PTPRB: variants seen among roughly 807,000 people sequenced by gnomAD.
The protein encoded by PTPRB is protein tyrosine phosphatase receptor type B.
In PTPRB, 97 loss-of-function variants were observed where a neutral mutation model predicts 238.1. The ratio of observed to expected loss-of-function variants is 0.41; its 90% CI spans 0.35 to 0.48. The LOEUF (loss-of-function observed/expected upper bound fraction) is 0.48, where lower values mean the gene tolerates loss of function less well. Ranked by LOEUF, PTPRB falls within the 20% of genes least tolerant of loss-of-function variation. The probability of loss-of-function intolerance (pLI) is 0.30; values close to 1 mark genes in which losing one functional copy is unlikely to be tolerated. For missense variants in PTPRB, 2,292 were observed against 2,681.9 expected (o/e 0.85, Z 3.21); for synonymous variants, 970 against 995.4 (o/e 0.97, Z 0.48).
rs1385878689 is a variant in PTPRB, at chr12:70,535,986, G to A, written c.6081+39C>T. 7 of 1,607,022 alleles carry A rather than the reference G, an allele frequency of 4.4e-6. No individual in the cohort carries two copies. In the Admixed American group the frequency reaches 5.0e-5, roughly 12 times the overall value. ...GGGGCAGAATTCTATCCAGGTGGCA[G>A]AAAGCAAAGCTTTGATGCCAGGAAG... On this transcript the variant is annotated intron_variant, in intron 29 of 33. Transcript: ENST00000334414.
At chr12:70,557,239 A>C (rs1877825606) in intron 18 of PTPRB, among the ~76,000 whole-genome samples, 1 of 152,222 alleles carries the variant, frequency 6.6e-6, no homozygotes, top group African/African-American at 2.4e-5. Flanking sequence ...CAAATCATTC[A>C]TTATGGTTGA....
intron 22 of PTPRB, among the ~76,000 whole-genome samples, chr12:70,543,931 C>T (rs1875560389): frequency 6.6e-6 from 1 of 152,160 alleles, no homozygotes; most frequent in African/African-American, 2.4e-5. Flanking sequence ...CAAGTTATCC[C>T]ATGTAAAATG....
At position 70,552,768 on chromosome 12, in the gene PTPRB, A is replaced by G. The variant is rs756622486; in HGVS notation, c.5387+9T>C. The G allele has an allele frequency of 1.2e-6, 2 of 1,613,708 alleles. No homozygotes were observed. The highest frequency in any genetic ancestry group is 3.3e-5 in the Admixed American group (2 of 59,998). On this transcript the variant is annotated intron_variant, in intron 21 of 33. Transcript: ENST00000334414. ...TCCCTTCTAGCAAAACAGTGGTAATATATCTAACCTGTAGGCAGTGTGTGG... is the reference window on the plus strand; with the variant it reads ...TCCCTTCTAGCAAAACAGTGGTAATGTATCTAACCTGTAGGCAGTGTGTGG...
intron 2 of PTPRB, among the ~76,000 whole-genome samples, chr12:70,634,443 A>AT (rs553690655): frequency 6.6e-6 from 1 of 151,624 alleles, no homozygotes; most frequent in African/African-American, 2.4e-5. Flanking sequence ...GGGAATGTGT[A>AT]TTTTTTTTTA....
At position 70,572,051 on chromosome 12, in the gene PTPRB, G is replaced by A; in HGVS notation, c.2879C>T (p.Ser960Leu). 6.2e-7 allele frequency: 1 copy of A among 1,613,594 alleles called. No homozygotes were observed. The highest frequency in any genetic ancestry group is 8.5e-7 in the Non-Finnish European group (1 of 1,179,584). ...DKVQGVSVSN[S>L]ARSDYLRVSW... The stretch of plus-strand genomic sequence containing the variant: ...TACCCTTAAATAGTCACTCCTGGCT[G>A]AGTTGCTAACACTGACTCCCTGGAC... Residue 960 changes from serine (S) to leucine (L), a missense_variant, in exon 12 of 34, where the codon TCA becomes TTA. Around this residue, in one of 4 missense-constraint regions of PTPRB, gnomAD observed 1,205 missense variants for 1,287.8 expected, o/e 0.94. Coordinates refer to ENST00000334414, the MANE Select transcript of PTPRB (RefSeq NM_001109754.4).
intron 8 of PTPRB, 145 bp from the exon 9 acceptor site, chr12:70,587,412 C>A: frequency 9.7e-7 from 1 of 1,027,710 alleles, no homozygotes; most frequent in Non-Finnish European, 1.4e-6. Context: ...AAAACAAAAT[C>A]TTATCACAAA....
intron 3 of PTPRB, among the ~76,000 whole-genome samples, chr12:70,620,819 T>C (rs1329365785): frequency 6.6e-6 from 1 of 152,162 alleles, no homozygotes; most frequent in Admixed American, 6.5e-5. Flanking sequence ...GGACATAGAA[T>C]GTGGATTGGT....
At chr12:70,559,283 T>A (rs1377920268) in intron 18 of PTPRB, 60 bp downstream of exon 18, 1 of 1,498,834 alleles carries the variant, frequency 6.7e-7, no homozygotes, top group Non-Finnish European at 9.3e-7. Context: ...TTGAGTAAGA[T>A]GTTGAACATA....
intron 31 of PTPRB, among the ~76,000 whole-genome samples, chr12:70,533,977 C>CAAAG (rs1265554051): frequency 6.6e-6 from 1 of 152,122 alleles, no homozygotes; most frequent in Admixed American, 6.5e-5. Flanking sequence ...CACAAATAGA[C>CAAAG]AAAGACATGC....
chr12:70,612,186 C>T (rs1372123138), intron 3 of PTPRB, among the ~76,000 whole-genome samples: 2 of 152,176 alleles, frequency 1.3e-5, no homozygotes, highest in Non-Finnish European at 2.9e-5. Flanking sequence ...GACAGCAGAG[C>T]TCCCAAATGA....
chr12:70,534,175 T>C (rs2136230977), intron 31 of PTPRB, among the ~76,000 whole-genome samples: 1 of 152,222 alleles, frequency 6.6e-6, no homozygotes, highest in African/African-American at 2.4e-5. Context: ...ATATGCCTGA[T>C]GATGGAAAGC....
intron 3 of PTPRB, among the ~76,000 whole-genome samples, chr12:70,619,304 G>GATGATGATGATA (rs1884817663): frequency 1.3e-5 from 1 of 76,510 alleles, no homozygotes; most frequent in Admixed American, 1.3e-4. Flanking sequence ...TGGTGATGAT[G>GATGATGATGATA]ATGATGATGA....
intron 2 of PTPRB, among the ~76,000 whole-genome samples, chr12:70,625,059 A>G (rs1046033505): frequency 7.9e-5 from 12 of 152,146 alleles, no homozygotes. Context: ...TTCTAAATAT[A>G]TTTTTAAAGC....
intron 8 of PTPRB, among the ~76,000 whole-genome samples, chr12:70,588,778 T>A (rs894477502): frequency 4.0e-5 from 6 of 151,452 alleles, no homozygotes; most frequent in African/African-American, 1.5e-4. Context: ...CATGGTAAAA[T>A]CCTGTCTCTA....
At chr12:70,532,910 G>C (rs1873513442) in intron 31 of PTPRB, among the ~76,000 whole-genome samples, 2 of 152,178 alleles carry the variant, frequency 1.3e-5, no homozygotes, top group Admixed American at 1.3e-4. Context: ...CCTCCAAAGT[G>C]CTGGGATTAG....
chr12:70,560,460 C>CAT lies in PTPRB; in HGVS notation c.4432+210_4432+211insAT, dbSNP rs1446153830. ...AGGCCTAGAGATGCTCAATGACTTG[C>CAT]CCAGATTCATAGAGCTAAGCTAAGG... On this transcript the variant is annotated intron_variant, in intron 17 of 33. Coordinates refer to ENST00000334414, the MANE Select transcript of PTPRB (RefSeq NM_001109754.4). The surrounding 1 kb of genome is among the most constrained non-coding windows in gnomAD (Gnocchi z 4.2). Among the ~76,000 whole-genome samples the CAT allele has an allele frequency of 2.5e-4, 38 of 152,308 alleles. No homozygotes were observed. In the South Asian group the frequency reaches 7.7e-3, roughly 31 times the overall value.
chr12:70,598,287 A>G (rs1006690453), intron 4 of PTPRB, among the ~76,000 whole-genome samples: 7 of 152,230 alleles, frequency 4.6e-5, no homozygotes, highest in African/African-American at 1.4e-4. Context: ...TGTTATGAAG[A>G]TTACATTGAA....
intron 2 of PTPRB, among the ~76,000 whole-genome samples, chr12:70,630,210 C>T (rs890901065): frequency 6.6e-6 from 1 of 152,144 alleles, no homozygotes; most frequent in Non-Finnish European, 1.5e-5. Flanking sequence ...TATCAAAAAG[C>T]TTATCCACCA....
chr12:70,534,829 A>T lies in PTPRB; in HGVS notation c.6204+4T>A. Reference sequence around the variant, plus strand: ...CGGTTGTTAAGTCAAGCAAGCTAACATACACCGCATATCTTAAACTCCCGG... The same window carrying T: ...CGGTTGTTAAGTCAAGCAAGCTAACTTACACCGCATATCTTAAACTCCCGG... On this transcript the variant is annotated splice_donor_region_variant and intron_variant, in intron 30 of 33. Coordinates refer to ENST00000334414, the MANE Select transcript of PTPRB (RefSeq NM_001109754.4). The T allele has an allele frequency of 6.2e-7, 1 of 1,613,672 alleles. No individual in the cohort carries two copies.
Sources: allele counts gnomAD v4.1 joint callset (sites outside exome capture counted in the v4.1 genomes callset), GRCh38; gene constraint gnomAD v4.1.1; regional missense constraint gnomAD v4.1.1; non-coding constraint Gnocchi (gnomAD v3.1); transcripts MANE v1.5; gene names NCBI Gene and HGNC (gene_info 2026-07-23, HGNC 2026-07-21).